ILK: variants seen among roughly 807,000 people sequenced by gnomAD.
ILK encodes integrin linked kinase, also known as scaffold protein ILK.
A neutral mutation model predicts 57.8 loss-of-function variants in ILK; 37 were observed. That is an observed-to-expected ratio of 0.64 (90% CI 0.49 to 0.84). The LOEUF (loss-of-function observed/expected upper bound fraction) is 0.84, where lower values mean the gene tolerates loss of function less well. Among genes scored for constraint, ILK ranks in the 40% least tolerant of loss-of-function variants. The probability of loss-of-function intolerance (pLI) is 0.00; values close to 1 mark genes in which losing one functional copy is unlikely to be tolerated. For missense variants in ILK, 528 were observed against 595.7 expected, an observed-to-expected ratio of 0.89 and a Z score of 1.18; for synonymous variants, 231 against 202.2, an observed-to-expected ratio of 1.14 and a Z score of -1.21.
At chr11:6,607,949 A>G in intron 2 of ILK, 97 bp from the exon 3 acceptor site, 1 of 1,279,040 alleles carries the variant, frequency 7.8e-7, no homozygotes, top group Non-Finnish European at 1.1e-6. Flanking sequence ...TAGAGAGGTA[A>G]GCCTTCCCAG....
At position 6,610,715 on chromosome 11, in the gene ILK, A is replaced by G. The variant is rs553068809; in HGVS notation, c.*104A>G. ...CTGGTTGCCTCCCCCGCCTCCAGTC[A>G]TGGTACTACCCCAGCCATGGGGTCC... On this transcript the variant is annotated 3_prime_UTR_variant, in exon 13 of 13. Transcript: ENST00000299421. 125 of 1,451,206 alleles carry G rather than the reference A, an allele frequency of 8.6e-5. No homozygotes were observed. Among genetic ancestry groups the G allele is most frequent in the Non-Finnish European group, 1.2e-4 (121 of 1,040,810 alleles). 89.9% of individuals were successfully genotyped at this position (1,451,206 alleles called of 1,614,324 possible). A position where few individuals can be genotyped will look rare whatever the true frequency, so the allele number is the denominator to read the frequency against.
rs1173338186 is a variant in ILK, at chr11:6,608,434, A to C, written c.296A>C (p.His99Pro). The C allele has an allele frequency of 3.1e-6, 5 of 1,614,196 alleles. No individual in the cohort carries two copies. Among genetic ancestry groups the C allele is most frequent in the Non-Finnish European group, 4.2e-6 (5 of 1,180,028 alleles). ...GCAGACATCAATGCAGTGAATGAAC[A>C]CGGGAATGTGCCCCTGCACTATGCC... ...YKADINAVNE[H>P]GNVPLHYACF... Residue 99 changes from histidine to proline, a missense_variant, in exon 4 of 13, where the codon CAC becomes CCC. Transcript: ENST00000299421. This position sits in a 1 kb window ranked among gnomAD's most constrained non-coding sequence, Gnocchi z 4.9.
intron 1 of ILK, 152 bp downstream of exon 1, chr11:6,603,974 A>T (rs1364519367): frequency 1.9e-6 from 1 of 532,804 alleles, no homozygotes; most frequent in African/African-American, 1.9e-5. Context: ...CTGTTCGCGG[A>T]TAGGGTCTAG....
rs1050368247 is a variant in ILK at position 6,609,330 on chromosome 11, T to C, written c.650T>C (p.Ile217Thr). 3.3e-5 allele frequency: 54 copies of C among 1,613,966 alleles called. No homozygotes were observed. The highest frequency in any genetic ancestry group is 4.6e-5 in the Non-Finnish European group (54 of 1,180,024). The part of the protein sequence containing the change: ...LWKGRWQGND[I>T]VVKVLKVRDW... Reference sequence around the variant, plus strand: ...AAGGGCCGCTGGCAGGGCAATGACATTGTCGTGAAGGTGCTGAAGGTTCGA... The same window carrying C: ...AAGGGCCGCTGGCAGGGCAATGACACTGTCGTGAAGGTGCTGAAGGTTCGA... The change falls in exon 8 of 13, where the codon ATT becomes ACT. Residue 217 changes from isoleucine (I) to threonine (T), a missense_variant. Ile to Thr is a moderately conservative substitution (Grantham distance 89). Transcript: ENST00000299421.
Position 6,610,857 on chromosome 11 carries a change from G to A in ILK, c.*246G>A, listed in dbSNP as rs959336811. 1.9e-6 allele frequency: 3 copies of A among 1,570,800 alleles called. No homozygotes were observed. Among genetic ancestry groups the A allele is most frequent in the Non-Finnish European group, 2.6e-6 (3 of 1,141,106 alleles). On this transcript the variant is annotated 3_prime_UTR_variant, in exon 13 of 13. Transcript: ENST00000299421. ...GATCAGCCCCGCCTGTCACAATAAAGTTTATTATGAAAACAGGCTGGTGTG... is the reference window on the plus strand; with the variant it reads ...GATCAGCCCCGCCTGTCACAATAAAATTTATTATGAAAACAGGCTGGTGTG...
Position 6,608,878 on chromosome 11 carries a change from C to T in ILK, c.449-6C>T. ...TACCACAGCTTAGGTTGTTTTTCTT[C>T]CCTAGAGCGGGCAGAGAAGATGGGC... On this transcript the variant is annotated splice_region_variant and splice_polypyrimidine_tract_variant and intron_variant, in intron 5 of 12. Transcript: ENST00000299421. This position sits in a 1 kb window ranked among gnomAD's most constrained non-coding sequence, Gnocchi z 4.9. 1 of 1,614,204 alleles carries T rather than the reference C, an allele frequency of 6.2e-7. No homozygotes were observed. Among genetic ancestry groups the T allele is most frequent in the South Asian group, 1.1e-5 (1 of 91,084 alleles).
In ILK at chr11:6,608,123, G is replaced by C. The variant is rs141701406; in HGVS notation, c.167G>C (p.Arg56Pro). 2.5e-6 allele frequency: 4 copies of C among 1,613,948 alleles called. No homozygotes were observed. The highest frequency in any genetic ancestry group is 3.4e-6 in the Non-Finnish European group (4 of 1,179,960). Reference sequence around the variant, plus strand: ...GCTGTGGTTGAGATGTTGATCATGCGGGGGGCACGGATCAATGTAATGAAC... The same window carrying C: ...GCTGTGGTTGAGATGTTGATCATGCCGGGGGCACGGATCAATGTAATGAAC... ...RSAVVEMLIMRGARINVMNRG... is the reference protein window; with the variant it reads ...RSAVVEMLIMPGARINVMNRG... The change falls in exon 3 of 13, where the codon CGG (arginine) becomes CCG (proline). Residue 56 changes from arginine (R) to proline (P), a missense_variant. By Grantham distance (103) the Arg-to-Pro change is moderately radical. Transcript: ENST00000299421. This position sits in a 1 kb window ranked among gnomAD's most constrained non-coding sequence, Gnocchi z 4.9.
Position 6,608,109 on chromosome 11 carries a change from G to T in ILK, c.153G>T (p.Glu51Asp). The T allele has an allele frequency of 6.2e-7, 1 of 1,614,198 alleles. No individual in the cohort carries two copies. The highest frequency in any genetic ancestry group is 8.5e-7 in the Non-Finnish European group (1 of 1,180,044). Residue 51 changes from glutamate (E) to aspartate (D), a missense_variant, in exon 3 of 13, where the codon GAG becomes GAT. Physicochemically the swap from Glu to Asp is conservative, Grantham distance 45 (BLOSUM62 2). Coordinates refer to ENST00000299421, the MANE Select transcript of ILK (RefSeq NM_004517.4). This position sits in a 1 kb window ranked among gnomAD's most constrained non-coding sequence, Gnocchi z 4.9. ...GAGAGGGCCGCTCTGCTGTGGTTGA[G>T]ATGTTGATCATGCGGGGGGCACGGA... is the stretch of plus-strand genomic sequence containing the variant. ...ACREGRSAVV[E>D]MLIMRGARIN...
chr11:6,604,083 G>A (rs1398933520), intron 1 of ILK, 97 bp from the exon 2 acceptor site: 3 of 647,840 alleles, frequency 4.6e-6, no homozygotes, highest in Non-Finnish European at 8.4e-6. Flanking sequence ...ACACAGCCAG[G>A]GATCATCCCG....
intron 11 of ILK, 45 bp from the exon 12 acceptor site, chr11:6,610,103 C>A (rs1188053762): frequency 2.2e-5 from 35 of 1,611,460 alleles, no homozygotes; most frequent in Non-Finnish European, 2.9e-5. Flanking sequence ...GGGGCAGAGA[C>A]AGGACAGGCA....
In ILK at chr11:6,604,462, G is replaced by A. The variant is rs1854622685; in HGVS notation, c.89+102G>A. ...TGGTGGCGGCTGCCTTTGCTAGCCA[G>A]TGTAATGAGTGCTAAGCATAGCCTG... On this transcript the variant is annotated intron_variant, in intron 2 of 12. Transcript: ENST00000299421. The A allele has an allele frequency of 4.0e-6, 4 of 1,003,256 alleles. No homozygotes were observed. In the Admixed American group the frequency reaches 6.0e-5, roughly 15 times the overall value. The allele number at this position is 1,003,256 out of a possible 1,614,324, so 62.1% of individuals were successfully genotyped here. A position where few individuals can be genotyped will look rare whatever the true frequency, so the allele number is the denominator to read the frequency against.
At position 6,610,636 on chromosome 11, in the gene ILK, C is replaced by T; in HGVS notation, c.*25C>T. On this transcript the variant is annotated 3_prime_UTR_variant, in exon 13 of 13. Transcript: ENST00000299421. ...GGACTGGAAGGTCCTTGCCTGAACT[C>T]CAGAGGTGTCGGGACATGGTTGGGG... is the stretch of plus-strand genomic sequence containing the variant. 6.2e-7 allele frequency: 1 copy of T among 1,613,986 alleles called. No individual in the cohort carries two copies. The highest frequency in any genetic ancestry group is 8.5e-7 in the Non-Finnish European group (1 of 1,179,908).
At chr11:6,606,507 G>C (rs944181711) in intron 2 of ILK, 1 of 152,196 alleles carries the variant, frequency 6.6e-6, no homozygotes, top group South Asian at 2.1e-4. Context: ...TTACTGTTTT[G>C]TTGGTGAGGA....
At chr11:6,607,794 A>C in intron 2 of ILK, 1 of 521,596 alleles carries the variant, frequency 1.9e-6, no homozygotes, top group Non-Finnish European at 3.5e-6. Flanking sequence ...CACCTAAGGA[A>C]ATGAGATGTG....
chr11:6,610,766 G>A lies in ILK; in HGVS notation c.*155G>A. 7.6e-7 allele frequency: 1 copy of A among 1,322,108 alleles called. No homozygotes were observed. 81.9% of individuals were successfully genotyped at this position (1,322,108 alleles called of 1,614,324 possible). A position where few individuals can be genotyped will look rare whatever the true frequency, so the allele number is the denominator to read the frequency against. ...ATCCCCTTCCCCCATCCCTACCACTGTGGCCCCAAGAGGGGCGGGCTCAGA... is the reference window on the plus strand; with the variant it reads ...ATCCCCTTCCCCCATCCCTACCACTATGGCCCCAAGAGGGGCGGGCTCAGA... On this transcript the variant is annotated 3_prime_UTR_variant, in exon 13 of 13. Coordinates refer to ENST00000299421, the MANE Select transcript of ILK (RefSeq NM_004517.4).
chr11:6,610,853 T>A lies in ILK; in HGVS notation c.*242T>A. 1 of 1,569,224 alleles carries A rather than the reference T, an allele frequency of 6.4e-7. No individual in the cohort carries two copies. Among genetic ancestry groups the A allele is most frequent in the East Asian group, 2.2e-5 (1 of 44,658 alleles). On this transcript the variant is annotated 3_prime_UTR_variant, in exon 13 of 13. Coordinates refer to ENST00000299421, the MANE Select transcript of ILK (RefSeq NM_004517.4). ...GAGGGATCAGCCCCGCCTGTCACAA[T>A]AAAGTTTATTATGAAAACAGGCTGG...
chr11:6,607,580 C>A (rs1000443308), intron 2 of ILK: 2 of 185,786 alleles, frequency 1.1e-5, no homozygotes, highest in South Asian at 1.0e-4. Context: ...CCTTCTCCCC[C>A]ACTAACATGC....
In ILK at chr11:6,609,286, A is replaced by C. The variant is rs763939151; in HGVS notation, c.619-13A>C. 90 of 1,612,722 alleles carry C rather than the reference A, an allele frequency of 5.6e-5. No homozygotes were observed. Among genetic ancestry groups the C allele is most frequent in the Non-Finnish European group, 6.9e-5 (81 of 1,178,956 alleles). On this transcript the variant is annotated splice_polypyrimidine_tract_variant and intron_variant, in intron 7 of 12. Coordinates refer to ENST00000299421, the MANE Select transcript of ILK (RefSeq NM_004517.4). Reference sequence around the variant, plus strand: ...CAACATTTCAAGCCTCCTAACCCCTACCTGTCCTGCAGCTATGGAAGGGCC... The same window carrying C: ...CAACATTTCAAGCCTCCTAACCCCTCCCTGTCCTGCAGCTATGGAAGGGCC...
rs41310334 is a variant in ILK, at chr11:6,604,076, C to G, written c.-92-104C>G. 6.3e-3 allele frequency: 3,990 copies of G among 637,602 alleles called. 13 individuals carry two copies. Among genetic ancestry groups the G allele is most frequent in the South Asian group, 9.9e-3 (559 of 56,292 alleles). 39.5% of individuals were successfully genotyped at this position (637,602 alleles called of 1,614,324 possible). A position where few individuals can be genotyped will look rare whatever the true frequency, so the allele number is the denominator to read the frequency against. ...GCCTTTACCTCGCGTCTAGAGGACA[C>G]AGCCAGGGATCATCCCGCAGCCCCG... is the stretch of plus-strand genomic sequence containing the variant. On this transcript the variant is annotated intron_variant, in intron 1 of 12. Coordinates refer to ENST00000299421, the MANE Select transcript of ILK (RefSeq NM_004517.4).
Sources: gnomAD v4.1 joint callset for allele counts on GRCh38, gnomAD v4.1.1 for gene constraint, Gnocchi (gnomAD v3.1) non-coding constraint, MANE v1.5 for transcripts, NCBI Gene and HGNC (gene_info 2026-07-23, HGNC 2026-07-21) for gene names.